DCAF17: variants seen among roughly 807,000 people sequenced by gnomAD.
The protein encoded by DCAF17 is DDB1- and CUL4-associated factor 17.
In DCAF17, 48 loss-of-function variants were observed where a neutral mutation model predicts 66.0. That is an observed-to-expected ratio of 0.73 (90% CI 0.58 to 0.92). DCAF17 has a LOEUF of 0.92. DCAF17 is among the 40% of genes least tolerant of loss of function. DCAF17 has a pLI of 0.00. For synonymous variants in DCAF17, 206 were observed against 214.6 expected, an observed-to-expected ratio of 0.96 and a Z score of 0.35; for missense variants, 562 against 622.8, an observed-to-expected ratio of 0.90 and a Z score of 1.04.
intron 9 of DCAF17, among the ~76,000 whole-genome samples, chr2:171,469,463 T>C (rs1341768537): frequency 6.6e-6 from 1 of 152,204 alleles, no homozygotes; most frequent in Non-Finnish European, 1.5e-5. Context: ...GTAGGTAAAT[T>C]GAAGCACTTT....
At position 171,434,666 on chromosome 2, in the gene DCAF17, G is replaced by C; in HGVS notation, c.89G>C (p.Arg30Thr). 6.6e-7 allele frequency: 1 copy of C among 1,521,298 alleles called. No homozygotes were observed. Among genetic ancestry groups the C allele is most frequent in the South Asian group, 1.2e-5 (1 of 82,726 alleles). 94.2% of individuals were successfully genotyped at this position (1,521,298 alleles called of 1,614,324 possible). A position where few individuals can be genotyped will look rare whatever the true frequency, so the allele number is the denominator to read the frequency against. The change falls in exon 1 of 14, where the codon AGG becomes ACG. Residue 30 changes from arginine (R) to threonine (T), a missense_variant. Physicochemically the swap from Arg to Thr is moderately conservative, Grantham distance 71. Coordinates refer to ENST00000375255, the MANE Select transcript of DCAF17 (RefSeq NM_025000.4). ...CFSRDAGVVQRTNLGILRALV... is the reference protein window; with the variant it reads ...CFSRDAGVVQTTNLGILRALV... ...TCGCGCGACGCAGGCGTGGTGCAGAGGACCAACCTGGGCATCCTGCGGGCG... is the reference window on the plus strand; with the variant it reads ...TCGCGCGACGCAGGCGTGGTGCAGACGACCAACCTGGGCATCCTGCGGGCG...
intron 2 of DCAF17, among the ~76,000 whole-genome samples, chr2:171,440,739 C>T (rs1190057064): frequency 6.6e-6 from 1 of 152,020 alleles, no homozygotes; most frequent in Non-Finnish European, 1.5e-5. Flanking sequence ...TTTTGTCTCC[C>T]CCATTGTTGG....
chr2:171,436,963 C>T (rs1044232082), intron 2 of DCAF17, among the ~76,000 whole-genome samples: 1 of 151,716 alleles, frequency 6.6e-6, no homozygotes, highest in Admixed American at 6.6e-5. Context: ...TGGTAGAGAC[C>T]GGGTTTCTCC....
chr2:171,480,177 T>G lies in DCAF17; in HGVS notation c.1406T>G (p.Val469Gly), dbSNP rs777310967. ...ACTTTACTTAAAAGCATTCCACTAG[T>G]GGAGTCATGGGATGTGGTGAGTAGA... ...YGTLLKSIPL[V>G]ESWDVTYSHE... Residue 469 changes from valine to glycine, a missense_variant, in exon 13 of 14, where the codon GTG (valine) becomes GGG (glycine). Around this residue, in one of 3 missense-constraint regions of DCAF17, gnomAD observed 201 missense variants for 231.1 expected, o/e 0.87. Transcript: ENST00000375255. 4 of 1,613,384 alleles carry G rather than the reference T, an allele frequency of 2.5e-6. No homozygotes were observed. The East Asian group carries it at 6.7e-5, about 27-fold the overall frequency.
At chr2:171,452,551 T>C (rs1695015413) in intron 5 of DCAF17, among the ~76,000 whole-genome samples, 1 of 152,214 alleles carries the variant, frequency 6.6e-6, no homozygotes, top group Non-Finnish European at 1.5e-5. Flanking sequence ...ACTCCCGGGC[T>C]GAAGTGCTCC....
At chr2:171,458,760 T>C (rs1695405984) in intron 8 of DCAF17, among the ~76,000 whole-genome samples, 1 of 152,164 alleles carries the variant, frequency 6.6e-6, no homozygotes, top group Admixed American at 6.6e-5. Context: ...ATCTGCAAAA[T>C]GAGTTGCAGC....
Position 171,483,877 on chromosome 2 carries a change from C to T in DCAF17, c.*2763C>T, listed in dbSNP as rs1172997684. ...GGTGGGAAACATAACCAGATTTGTT[C>T]GGCATGAACTTGTGCCAAATTTCCT... On this transcript the variant is annotated 3_prime_UTR_variant, in exon 14 of 14. Transcript: ENST00000375255. 1.8e-5 allele frequency: 8 copies of T among 453,906 alleles called. No homozygotes were observed. Among genetic ancestry groups the T allele is most frequent in the Admixed American group, 7.1e-5 (3 of 42,536 alleles). The allele number at this position is 453,906 out of a possible 1,614,324, so 28.1% of individuals were successfully genotyped here.
intron 13 of DCAF17, 140 bp downstream of exon 13, chr2:171,480,333 A>G: frequency 9.8e-7 from 1 of 1,022,206 alleles, no homozygotes; most frequent in Non-Finnish European, 1.4e-6. Context: ...TCCTATATAC[A>G]GGACAAAAGA....
At chr2:171,446,221 A>AAATTAATTCATTTTAGC (rs1486751844) in intron 3 of DCAF17, among the ~76,000 whole-genome samples, 2 of 152,180 alleles carry the variant, frequency 1.3e-5, no homozygotes, top group Admixed American at 6.5e-5. Flanking sequence ...TAATTTTAGC[A>AAATTAATTCATTTTAGC]AAATGATTCA....
At chr2:171,446,699 G>A (rs1694645497) in intron 3 of DCAF17, among the ~76,000 whole-genome samples, 2 of 152,206 alleles carry the variant, frequency 1.3e-5, no homozygotes, top group Non-Finnish European at 2.9e-5. Flanking sequence ...CAGGATAACA[G>A]TGTGGAGACT....
At chr2:171,454,861 C>T (rs1695160528) in intron 6 of DCAF17, among the ~76,000 whole-genome samples, 1 of 149,644 alleles carries the variant, frequency 6.7e-6, no homozygotes, top group African/African-American at 2.5e-5. Flanking sequence ...TGTGCCACGG[C>T]AACAGAGCAA....
At chr2:171,465,332 A>C (rs1695837759) in intron 8 of DCAF17, among the ~76,000 whole-genome samples, 1 of 152,184 alleles carries the variant, frequency 6.6e-6, no homozygotes. Flanking sequence ...ATTTTTCTAT[A>C]GGATTAAGCT....
chr2:171,452,048 A>G (rs537392111), intron 5 of DCAF17, among the ~76,000 whole-genome samples: 52 of 152,304 alleles, frequency 3.4e-4, no homozygotes, highest in African/African-American at 1.2e-3. Context: ...AGGAACACAG[A>G]AGGAGTCTGA....
chr2:171,480,991 C>G lies in DCAF17; in HGVS notation c.1440C>G (p.Val480=), dbSNP rs763716716. 6.2e-7 allele frequency: 1 copy of G among 1,613,718 alleles called. No individual in the cohort carries two copies. Among genetic ancestry groups the G allele is most frequent in the South Asian group, 1.1e-5 (1 of 91,064 alleles). Residue 480 remains valine (V), a synonymous_variant, in exon 14 of 14, where the codon GTC becomes GTG. Coordinates refer to ENST00000375255, the MANE Select transcript of DCAF17 (RefSeq NM_025000.4). ...ESWDVTYSHE[V]YFDRDLVLHI... ...TGTTACAGACATATAGCCATGAAGT[C>G]TACTTTGACAGAGACTTGGTGCTAC...
At chr2:171,458,827 A>C (rs1235405458) in intron 8 of DCAF17, among the ~76,000 whole-genome samples, 1 of 152,088 alleles carries the variant, frequency 6.6e-6, no homozygotes, top group Non-Finnish European at 1.5e-5. Flanking sequence ...GATGAAATTT[A>C]CCCCCTCTCT....
chr2:171,435,013 T>A, intron 1 of DCAF17, 70 bp from the exon 2 acceptor site: 1 of 1,285,596 alleles, frequency 7.8e-7, no homozygotes, highest in Non-Finnish European at 1.1e-6. Flanking sequence ...ATTATGTTGC[T>A]TTGAAAATTT....
chr2:171,479,747 A>C (rs1696655268), intron 12 of DCAF17: 1 of 353,456 alleles, frequency 2.8e-6, no homozygotes. Flanking sequence ...AATTTAGAGA[A>C]TCTCTGATTT....
intron 3 of DCAF17, among the ~76,000 whole-genome samples, chr2:171,448,302 G>A (rs897465982): frequency 6.6e-5 from 10 of 152,042 alleles, no homozygotes; most frequent in African/African-American, 2.4e-4. Flanking sequence ...AATAGCAGAG[G>A]ACTCTTAATC....
rs1394925948 is a variant in DCAF17, at chr2:171,483,735, T to TA, written c.*2622dup. ...AAGTAAAGTGGGTTGTCTCATTTAA[T>TA]ATTCAGAATAACCACATGAAGTATG... is the stretch of plus-strand genomic sequence containing the variant. On this transcript the variant is annotated 3_prime_UTR_variant, in exon 14 of 14. Coordinates refer to ENST00000375255, the MANE Select transcript of DCAF17 (RefSeq NM_025000.4). 1 of 454,010 alleles carries TA rather than the reference T, an allele frequency of 2.2e-6. No homozygotes were observed. Among genetic ancestry groups the TA allele is most frequent in the African/African-American group, 2.0e-5 (1 of 50,004 alleles). 28.1% of individuals were successfully genotyped at this position (454,010 alleles called of 1,614,324 possible).
Sources: gnomAD v4.1 joint callset for allele counts (sites outside exome capture counted in the v4.1 genomes callset) on GRCh38, gnomAD v4.1.1 for gene constraint, gnomAD v4.1.1 regional missense constraint, MANE v1.5 for transcripts, NCBI Gene and HGNC (gene_info 2026-07-23, HGNC 2026-07-21) for gene names.